The following COL19A1 variants were observed in gnomAD, a reference collection of about 807,000 sequenced individuals.
COL19A1 encodes collagen alpha-1(XIX) chain.
COL19A1 carries 159 observed loss-of-function variants against 190.2 expected under a neutral mutation model. The observed-to-expected ratio is 0.84, with a 90% CI of 0.73 to 0.95. The LOEUF (loss-of-function observed/expected upper bound fraction) is 0.95, where lower values mean the gene tolerates loss of function less well. COL19A1 is among the 40% of genes least tolerant of loss of function. The pLI is 0.00. For missense variants in COL19A1, 1,418 were observed against 1,431.9 expected (o/e 0.99, Z 0.16); for synonymous variants, 509 against 458.9 (o/e 1.11, Z -1.39).
intron 42 of COL19A1, among the ~76,000 whole-genome samples, chr6:70,177,677 C>G (rs1212359448): frequency 6.6e-6 from 1 of 152,206 alleles, no homozygotes. Flanking sequence ...TCTATTCCCT[C>G]ACTACTGCCC....
chr6:70,126,768 G>A (rs1490073446), intron 17 of COL19A1, among the ~76,000 whole-genome samples: 1 of 152,200 alleles, frequency 6.6e-6, no homozygotes. Flanking sequence ...TGAAGGCGTT[G>A]TCAGGACCAC....
rs138052725 is a variant in COL19A1, at chr6:70,155,628, T to C, written c.2080-499T>C. ...CTCGAGTGCCTCCACTGACAAAATG[T>C]TAGTAAACTGTATGTAGTTGGAGAA... On this transcript the variant is annotated intron_variant, in intron 31 of 50. Transcript: ENST00000620364. Among the ~76,000 whole-genome samples, 1,130 of 152,308 alleles carry C rather than the reference T, an allele frequency of 7.4e-3. 8 individuals are homozygous for C. Among genetic ancestry groups the C allele is most frequent in the Middle Eastern group, 0.014 (4 of 294 alleles).
intron 11 of COL19A1, among the ~76,000 whole-genome samples, chr6:70,007,878 T>C (rs1777732654): frequency 1.3e-5 from 2 of 151,996 alleles, no homozygotes; most frequent in Non-Finnish European, 2.9e-5. Flanking sequence ...AAGTATGTTT[T>C]TGGTCACAAT....
intron 4 of COL19A1, among the ~76,000 whole-genome samples, chr6:69,925,324 A>C (rs148076614): frequency 0.017 from 2,612 of 152,260 alleles, 85 homozygotes; most frequent in African/African-American, 0.058. Flanking sequence ...TATTCCCAGC[A>C]CCATTTGTTA....
intron 7 of COL19A1, among the ~76,000 whole-genome samples, chr6:69,936,270 C>G (rs1773106006): frequency 6.6e-6 from 1 of 152,042 alleles, no homozygotes; most frequent in African/African-American, 2.4e-5. Context: ...CTTTAAGGAA[C>G]AGTAGACTAG....
intron 19 of COL19A1, 122 bp from the exon 20 acceptor site, chr6:70,140,832 G>T: frequency 1.2e-6 from 1 of 827,110 alleles, no homozygotes. Context: ...GACACTCTGG[G>T]TATTTTTGGA....
intron 15 of COL19A1, among the ~76,000 whole-genome samples, chr6:70,079,306 C>T (rs149790566): frequency 6.2e-4 from 94 of 152,172 alleles, no homozygotes; most frequent in African/African-American, 2.2e-3. Context: ...AGTTTGAAGC[C>T]TACAGCATTA....
At chr6:70,113,129 T>C (rs1784376005) in intron 16 of COL19A1, among the ~76,000 whole-genome samples, 1 of 152,132 alleles carries the variant, frequency 6.6e-6, no homozygotes, top group Non-Finnish European at 1.5e-5. Flanking sequence ...GGTGCCAGTA[T>C]ATGCCAAGGT....
intron 15 of COL19A1, among the ~76,000 whole-genome samples, chr6:70,096,791 G>C (rs946755993): frequency 1.3e-5 from 2 of 152,116 alleles, no homozygotes; most frequent in Non-Finnish European, 2.9e-5. Context: ...ATGGTCCCCA[G>C]ACCAGCAGCA....
intron 11 of COL19A1, among the ~76,000 whole-genome samples, chr6:69,992,948 C>A (rs572964550): frequency 9.9e-5 from 15 of 152,128 alleles, no homozygotes; most frequent in Non-Finnish European, 1.9e-4. Context: ...TATTTTATTT[C>A]TTTCTCTTGC....
chr6:70,163,560 G>A (rs924143197), intron 36 of COL19A1, among the ~76,000 whole-genome samples, 164 bp downstream of exon 36: 1 of 152,146 alleles, frequency 6.6e-6, no homozygotes, highest in Non-Finnish European at 1.5e-5. Flanking sequence ...CAGGTCCAAA[G>A]GTTATTCTAA....
chr6:69,967,468 T>A (rs1775183670), intron 11 of COL19A1, among the ~76,000 whole-genome samples: 2 of 152,238 alleles, frequency 1.3e-5, no homozygotes. Flanking sequence ...TGCTTTCTCT[T>A]GTTTAGGCTT....
rs937019064 is a variant in COL19A1 at position 70,190,518 on chromosome 6, G to C, written c.3094+137G>C. 8.1e-6 allele frequency: 5 copies of C among 618,376 alleles called. No homozygotes were observed. The East Asian group carries it at 1.2e-4, about 14-fold the overall frequency. The allele number at this position is 618,376 out of a possible 1,614,324, so 38.3% of individuals were successfully genotyped here. A position where few individuals can be genotyped will look rare whatever the true frequency, so the allele number is the denominator to read the frequency against. ...TAAGGGGCAGCCCATTTTATGATGG[G>C]ACAGCTCTTTGATGAAAATTCTTCT... is the stretch of plus-strand genomic sequence containing the variant. On this transcript the variant is annotated intron_variant, in intron 48 of 50. Coordinates refer to ENST00000620364, the MANE Select transcript of COL19A1 (RefSeq NM_001858.6).
intron 13 of COL19A1, among the ~76,000 whole-genome samples, chr6:70,034,607 A>G (rs559981151): frequency 3.3e-5 from 5 of 152,298 alleles, no homozygotes; most frequent in South Asian, 4.1e-4. Flanking sequence ...AACTTTGCCA[A>G]TAACACTGAG....
intron 12 of COL19A1, among the ~76,000 whole-genome samples, chr6:70,029,533 T>C (rs1778913058): frequency 6.6e-6 from 1 of 152,218 alleles, no homozygotes; most frequent in African/African-American, 2.4e-5. Context: ...TTTATGCCTA[T>C]GGTGAGTGCT....
chr6:70,065,812 A>T (rs1324684321), intron 14 of COL19A1, among the ~76,000 whole-genome samples: 1 of 152,254 alleles, frequency 6.6e-6, no homozygotes, highest in Admixed American at 6.5e-5. Context: ...ATGTACAGAC[A>T]CTTCTCAAAA....
chr6:69,923,765 C>T (rs1449496723), intron 4 of COL19A1, among the ~76,000 whole-genome samples: 1 of 152,136 alleles, frequency 6.6e-6, no homozygotes. Context: ...TTTGGCAAAA[C>T]TCCAAGCTCT....
intron 42 of COL19A1, 132 bp from the exon 43 acceptor site, chr6:70,180,180 C>G: frequency 1.0e-6 from 1 of 963,386 alleles, no homozygotes; most frequent in Non-Finnish European, 1.6e-6. Flanking sequence ...GCCACCACAC[C>G]TGGCCAGAAA....
At chr6:69,924,421 A>G (rs1772214679) in intron 4 of COL19A1, among the ~76,000 whole-genome samples, 1 of 152,196 alleles carries the variant, frequency 6.6e-6, no homozygotes, top group East Asian at 1.9e-4. Context: ...GTCCCTACAA[A>G]GGACATGAAC....
Sources: allele counts gnomAD v4.1 joint callset (sites outside exome capture counted in the v4.1 genomes callset), GRCh38; gene constraint gnomAD v4.1.1; transcripts MANE v1.5; gene names NCBI Gene and HGNC (gene_info 2026-07-23, HGNC 2026-07-21).